Variants in CAMK4 observed in about 807,000 individuals in gnomAD.
The protein encoded by CAMK4 is calcium/calmodulin dependent protein kinase IV.
In CAMK4, 22 loss-of-function variants were observed where a neutral mutation model predicts 44.9. The ratio of observed to expected loss-of-function variants is 0.49; its 90% CI spans 0.35 to 0.70. The LOEUF (loss-of-function observed/expected upper bound fraction) is 0.70, where lower values mean the gene tolerates loss of function less well. Ranked by LOEUF, CAMK4 falls within the 30% of genes least tolerant of loss-of-function variation. The pLI is 0.01. For synonymous variants in CAMK4, 218 were observed against 215.4 expected (o/e 1.01, Z -0.11); for missense variants, 498 against 586.8 (o/e 0.85, Z 1.56).
At chr5:111,441,618 C>T (rs1234647695) in intron 5 of CAMK4, among the ~76,000 whole-genome samples, 2 of 152,138 alleles carry the variant, frequency 1.3e-5, no homozygotes, top group African/African-American at 4.8e-5. Context: ...CAGTTCTTCT[C>T]CCCAGTTTAT....
rs73788809 is a variant in CAMK4 at position 111,341,680 on chromosome 5, T to C, written c.162-2344T>C. On this transcript the variant is annotated intron_variant, in intron 1 of 10. Transcript: ENST00000282356. ...TTACAGTAAATGCTTACATAGACCT[T>C]ACTGTGCCAAGTATCACTCTAAATG... Among the ~76,000 whole-genome samples the C allele has an allele frequency of 8.3e-3, 1,255 of 151,364 alleles. 18 individuals carry two copies. Among genetic ancestry groups the C allele is most frequent in the African/African-American group, 0.029 (1,210 of 41,440 alleles).
In CAMK4 at chr5:111,369,067, T is replaced by TAA. The variant is rs1365577565; in HGVS notation, c.241-5783_241-5782insAA. 1.7e-3 allele frequency among the ~76,000 whole-genome samples: 241 copies of TAA among 145,426 alleles called. 1 individual carries two copies. The Middle Eastern group carries it at 0.022, about 13-fold the overall frequency. On this transcript the variant is annotated intron_variant, in intron 2 of 10. Coordinates refer to ENST00000282356, the MANE Select transcript of CAMK4 (RefSeq NM_001744.6). ...AATAATAATAATATAATAATAATAA[T>TAA]TATTATTATTATTATTGAGACAGGG...
At chr5:111,231,565 C>G (rs1323662582) in intron 1 of CAMK4, among the ~76,000 whole-genome samples, 1 of 152,162 alleles carries the variant, frequency 6.6e-6, no homozygotes, top group African/African-American at 2.4e-5. Flanking sequence ...TGAACAACAA[C>G]AAGGAGATTG....
At chr5:111,368,599 G>C (rs1580661016) in intron 2 of CAMK4, among the ~76,000 whole-genome samples, 1 of 152,190 alleles carries the variant, frequency 6.6e-6, no homozygotes, top group African/African-American at 2.4e-5. Context: ...TTATCCTTCT[G>C]GGAAGGATTT....
chr5:111,293,146 A>T (rs1747342332), intron 1 of CAMK4, among the ~76,000 whole-genome samples: 1 of 152,148 alleles, frequency 6.6e-6, no homozygotes, highest in Admixed American at 6.5e-5. Flanking sequence ...AAAAGGAAGT[A>T]AAGCAGCCAT....
chr5:111,223,865 A>G, upstream of CAMK4: 1 of 152,770 alleles, frequency 6.5e-6, no homozygotes, highest in Non-Finnish European at 1.5e-5. The surrounding 1 kb of genome is among the most constrained non-coding windows in gnomAD (Gnocchi z 4.3). Context: ...GTTAGGTGGG[A>G]GGGACTCGCC....
chr5:111,227,020 G>A (rs1236474460), intron 1 of CAMK4, among the ~76,000 whole-genome samples: 3 of 152,118 alleles, frequency 2.0e-5, no homozygotes, highest in African/African-American at 7.2e-5. Flanking sequence ...AAGCTAAAAT[G>A]TCTTACTTAG....
chr5:111,312,010 T>C (rs562787560), intron 1 of CAMK4, among the ~76,000 whole-genome samples: 4 of 152,368 alleles, frequency 2.6e-5, no homozygotes, highest in Non-Finnish European at 4.4e-5. Flanking sequence ...AAATATGAGA[T>C]AGAGTTTCAT....
intron 5 of CAMK4, among the ~76,000 whole-genome samples, chr5:111,415,331 C>T (rs939845007): frequency 6.6e-6 from 1 of 152,140 alleles, no homozygotes; most frequent in Non-Finnish European, 1.5e-5. Flanking sequence ...ATTATCAGAT[C>T]AACTGTGGCA....
At chr5:111,269,526 A>T (rs1299652046) in intron 1 of CAMK4, among the ~76,000 whole-genome samples, 1 of 152,068 alleles carries the variant, frequency 6.6e-6, no homozygotes. Context: ...TGTTTTTGGA[A>T]ATAGTGGCTG....
intron 1 of CAMK4, among the ~76,000 whole-genome samples, chr5:111,300,019 G>C (rs1285122434): frequency 1.3e-5 from 2 of 152,094 alleles, no homozygotes; most frequent in Non-Finnish European, 2.9e-5. Context: ...CTATATCTGG[G>C]TTCTAACTCA....
At chr5:111,483,993 G>T in intron 10 of CAMK4, 33 bp from the exon 11 acceptor site, 1 of 1,498,804 alleles carries the variant, frequency 6.7e-7, no homozygotes, top group Non-Finnish European at 9.0e-7. Context: ...TTAAAGCAGA[G>T]GTAACACTTG....
intron 1 of CAMK4, among the ~76,000 whole-genome samples, chr5:111,243,794 G>A (rs746548113): frequency 2.0e-5 from 3 of 152,146 alleles, no homozygotes; most frequent in South Asian, 2.1e-4. Context: ...GTCAAGCCTC[G>A]TAATGTAAAA....
rs1244657043 is a variant in CAMK4, at chr5:111,488,132, A to G, written c.*3666A>G. The G allele has an allele frequency of 6.6e-6, 1 of 152,210 alleles. No homozygotes were observed. Among genetic ancestry groups the G allele is most frequent in the Non-Finnish European group, 1.5e-5 (1 of 68,034 alleles). 9.4% of individuals were successfully genotyped at this position (152,210 alleles called of 1,614,324 possible). ...TCTTCATTCAGGAAGAACTGCACAT[A>G]GAATCTGATTTTGAGGCCTGGATTA... On this transcript the variant is annotated 3_prime_UTR_variant, in exon 11 of 11. Transcript: ENST00000282356.
chr5:111,457,962 CTG>C (rs1754478689), intron 7 of CAMK4, among the ~76,000 whole-genome samples: 2 of 152,220 alleles, frequency 1.3e-5, no homozygotes, highest in South Asian at 4.1e-4. Context: ...GTTGCACTGA[CTG>C]TAACTTTCTA....
intron 9 of CAMK4, among the ~76,000 whole-genome samples, chr5:111,480,827 C>T (rs1452182118): frequency 6.6e-6 from 1 of 152,144 alleles, no homozygotes; most frequent in African/African-American, 2.4e-5. Context: ...TTTCTTTTCA[C>T]CCTTAATAAA....
chr5:111,232,348 G>C (rs902405145), intron 1 of CAMK4, among the ~76,000 whole-genome samples: 1 of 152,090 alleles, frequency 6.6e-6, no homozygotes, highest in African/African-American at 2.4e-5. Flanking sequence ...GAGAGGACTG[G>C]GGTGTCTTTA....
intron 1 of CAMK4, among the ~76,000 whole-genome samples, chr5:111,227,562 C>T (rs1561346874): frequency 6.6e-6 from 1 of 152,108 alleles, no homozygotes. Context: ...ACCACTGGGG[C>T]GATACACCCT....
intron 4 of CAMK4, among the ~76,000 whole-genome samples, chr5:111,384,505 T>G (rs1331826634): frequency 6.6e-6 from 1 of 152,194 alleles, no homozygotes; most frequent in Non-Finnish European, 1.5e-5. Context: ...AAACTGTATT[T>G]TCAGCAGTCT....
Sources: gnomAD v4.1 joint callset for allele counts (sites outside exome capture counted in the v4.1 genomes callset) on GRCh38, gnomAD v4.1.1 for gene constraint, Gnocchi (gnomAD v3.1) non-coding constraint, MANE v1.5 for transcripts, NCBI Gene and HGNC (gene_info 2026-07-23, HGNC 2026-07-21) for gene names.